Variants in FRS2 observed in about 807,000 individuals in gnomAD.
FRS2 encodes the protein FGFR signalling adaptor.
A neutral mutation model predicts 43.9 loss-of-function variants in FRS2; 8 were observed. That is an observed-to-expected ratio of 0.18 (90% CI 0.11 to 0.33). The LOEUF is 0.33. Among genes scored for constraint, FRS2 ranks in the 10% least tolerant of loss-of-function variants. FRS2 has a pLI of 1.00. For synonymous variants in FRS2, 219 were observed against 220.3 expected, an observed-to-expected ratio of 0.99 and a Z score of 0.05; for missense variants, 534 against 627.6, an observed-to-expected ratio of 0.85 and a Z score of 1.59.
At chr12:69,571,604 G>A (rs1593073929) in intron 7 of FRS2, among the ~76,000 whole-genome samples, 170 bp downstream of exon 7, 1 of 152,370 alleles carries the variant, frequency 6.6e-6, no homozygotes, top group East Asian at 1.9e-4. Flanking sequence ...GCTCACGCCT[G>A]TAATCCCAGC....
At chr12:69,516,449 C>G (rs1325406744) in intron 1 of FRS2, among the ~76,000 whole-genome samples, 2 of 152,020 alleles carry the variant, frequency 1.3e-5, no homozygotes, top group East Asian at 3.9e-4. Flanking sequence ...AACTCCGGAC[C>G]TCAGGTGATC....
At chr12:69,522,382 G>T (rs1278132161) in intron 1 of FRS2, among the ~76,000 whole-genome samples, 2 of 152,050 alleles carry the variant, frequency 1.3e-5, no homozygotes, top group Non-Finnish European at 2.9e-5. Flanking sequence ...TTTCTAGTTT[G>T]TGTGCATAGA....
intron 8 of FRS2, among the ~76,000 whole-genome samples, chr12:69,573,133 C>CT (rs1565785267): frequency 6.6e-6 from 1 of 152,102 alleles, no homozygotes; most frequent in African/African-American, 2.4e-5. Flanking sequence ...GTGCCCGACC[C>CT]TTGTAAATAT....
intron 1 of FRS2, among the ~76,000 whole-genome samples, chr12:69,476,753 C>CGGGGGGGGTGGGGGGGGGGGGGG (rs1870812294): frequency 1.2e-5 from 1 of 80,108 alleles, no homozygotes; most frequent in Non-Finnish European, 2.5e-5. Context: ...GGGGGAGGGA[C>CGGGGGGGGTGGGGGGGGGGGGGG]GGGGGGGGGT....
At position 69,577,564 on chromosome 12, in the gene FRS2, G is replaced by A. The variant is rs1179477345; in HGVS notation, c.*2609G>A. 6.6e-6 allele frequency: 1 copy of A among 152,386 alleles called. No homozygotes were observed. The highest frequency in any genetic ancestry group is 1.5e-5 in the Non-Finnish European group (1 of 67,950). 9.4% of individuals were successfully genotyped at this position (152,386 alleles called of 1,614,324 possible). A position where few individuals can be genotyped will look rare whatever the true frequency, so the allele number is the denominator to read the frequency against. On this transcript the variant is annotated 3_prime_UTR_variant, in exon 9 of 9. Transcript: ENST00000549921. ...CCATGTGATCCTTCTTTTTGGTTTTGGAAATATAATCATTGTTAATGTTTT... is the reference window on the plus strand; with the variant it reads ...CCATGTGATCCTTCTTTTTGGTTTTAGAAATATAATCATTGTTAATGTTTT...
Position 69,527,838 on chromosome 12 carries a change from C to G in FRS2, c.-260-3027C>G, listed in dbSNP as rs184742598. Among the ~76,000 whole-genome samples, 949 of 152,300 alleles carry G rather than the reference C, an allele frequency of 6.2e-3. 10 individuals are homozygous for G. Among genetic ancestry groups the G allele is most frequent in the African/African-American group, 0.021 (893 of 41,558 alleles). On this transcript the variant is annotated intron_variant, in intron 1 of 8. Coordinates refer to ENST00000549921, the MANE Select transcript of FRS2 (RefSeq NM_001278356.2). ...TTCGGTACAAAAATATTCAAGGGTT[C>G]TCTCCAACTTTCCAAACAAAGCAGA... is the stretch of plus-strand genomic sequence containing the variant.
intron 7 of FRS2, 60 bp downstream of exon 7, chr12:69,571,494 A>G: frequency 7.9e-7 from 1 of 1,266,170 alleles, no homozygotes; most frequent in Non-Finnish European, 1.1e-6. Flanking sequence ...TAAGCTATAG[A>G]TTGTGGGTAT....
intron 3 of FRS2, among the ~76,000 whole-genome samples, chr12:69,546,000 T>C (rs1878370996): frequency 6.6e-6 from 1 of 152,124 alleles, no homozygotes; most frequent in South Asian, 2.1e-4. Flanking sequence ...TAAGGAAATG[T>C]AGGGCGAATG....
At chr12:69,541,853 CTG>C (rs1167809689) in intron 3 of FRS2, among the ~76,000 whole-genome samples, 4 of 148,170 alleles carry the variant, frequency 2.7e-5, no homozygotes, top group Non-Finnish European at 4.5e-5. Flanking sequence ...AAAAGTAACA[CTG>C]TATTATTGTA....
At position 69,556,008 on chromosome 12, in the gene FRS2, C is replaced by CGG. The variant is rs10666921; in HGVS notation, c.-121-6162_-121-6161dup. The stretch of plus-strand genomic sequence containing the variant: ...CTTCTTTTGATCAGTGTGTGTGTGG[C>CGG]GGGGGGGGGGGCGGTGTACACATGG... On this transcript the variant is annotated intron_variant, in intron 3 of 8. Transcript: ENST00000549921. 2.6e-3 allele frequency among the ~76,000 whole-genome samples: 316 copies of CGG among 123,478 alleles called. 5 individuals are homozygous for CGG. Among genetic ancestry groups the CGG allele is most frequent in the Non-Finnish European group, 3.0e-3 (164 of 55,486 alleles). The allele number at this position is 123,478 out of a possible 152,430, so 81.0% of individuals were successfully genotyped here. A position where few individuals can be genotyped will look rare whatever the true frequency, so the allele number is the denominator to read the frequency against.
intron 1 of FRS2, among the ~76,000 whole-genome samples, chr12:69,474,009 A>C (rs111241253): frequency 6.6e-6 from 1 of 152,180 alleles, no homozygotes; most frequent in East Asian, 1.9e-4. Flanking sequence ...CGCCCAGCTA[A>C]CTTTTGTATT....
At chr12:69,562,599 T>C (rs921677753) in intron 4 of FRS2, among the ~76,000 whole-genome samples, 1 of 152,242 alleles carries the variant, frequency 6.6e-6, no homozygotes, top group Non-Finnish European at 1.5e-5. Flanking sequence ...GTTTACTAAT[T>C]TAAAGTATTC....
rs1183705908 is a variant in FRS2 at position 69,574,025 on chromosome 12, T to C, written c.597T>C (p.Thr199=). 6.2e-7 allele frequency: 1 copy of C among 1,612,712 alleles called. No homozygotes were observed. Among genetic ancestry groups the C allele is most frequent in the Admixed American group, 1.7e-5 (1 of 59,932 alleles). ...AEEQVHTYVN[T]TGVQEERKNR... is the part of the protein sequence containing the mutation. Reference sequence around the variant, plus strand: ...TTTAGGTACATACCTATGTCAACACTACAGGTGTGCAAGAAGAGCGGAAAA... The same window carrying C: ...TTTAGGTACATACCTATGTCAACACCACAGGTGTGCAAGAAGAGCGGAAAA... Residue 199 remains threonine, a synonymous_variant, in exon 9 of 9, where the codon ACT becomes ACC. Coordinates refer to ENST00000549921, the MANE Select transcript of FRS2 (RefSeq NM_001278356.2).
At chr12:69,499,650 T>G (rs1873249303) in intron 1 of FRS2, among the ~76,000 whole-genome samples, 1 of 152,140 alleles carries the variant, frequency 6.6e-6, no homozygotes, top group Non-Finnish European at 1.5e-5. Flanking sequence ...ACACATGATT[T>G]TATTTGTGGA....
chr12:69,528,831 T>C (rs985633777), intron 1 of FRS2, among the ~76,000 whole-genome samples: 3 of 152,292 alleles, frequency 2.0e-5, no homozygotes, highest in East Asian at 1.9e-4. Context: ...AACAAAGTCC[T>C]AAAGGAAGAG....
chr12:69,526,533 G>C (rs989029657), intron 1 of FRS2, among the ~76,000 whole-genome samples: 1 of 152,068 alleles, frequency 6.6e-6, no homozygotes, highest in African/African-American at 2.4e-5. Flanking sequence ...GCCAATTAGT[G>C]TTATCTGATA....
At chr12:69,564,203 C>T (rs1223908569) in intron 4 of FRS2, among the ~76,000 whole-genome samples, 1 of 151,754 alleles carries the variant, frequency 6.6e-6, no homozygotes, top group Non-Finnish European at 1.5e-5. Flanking sequence ...TGGTGCCCTC[C>T]TGCTTGATGC....
intron 6 of FRS2, among the ~76,000 whole-genome samples, chr12:69,571,046 C>T (rs1431866818): frequency 6.6e-6 from 1 of 152,100 alleles, no homozygotes; most frequent in Non-Finnish European, 1.5e-5. Context: ...ATTTCATTAG[C>T]TTTATTTTGG....
intron 3 of FRS2, among the ~76,000 whole-genome samples, chr12:69,554,848 G>A (rs1249023539): frequency 6.6e-6 from 1 of 150,630 alleles, no homozygotes; most frequent in African/African-American, 2.4e-5. Context: ...GGGATTACAG[G>A]CATTCGCCAC....
Sources: gnomAD v4.1 joint callset for allele counts (sites outside exome capture counted in the v4.1 genomes callset) on GRCh38, gnomAD v4.1.1 for gene constraint, MANE v1.5 for transcripts, NCBI Gene and HGNC (gene_info 2026-07-23, HGNC 2026-07-21) for gene names.